NUDCD3: variants seen among roughly 807,000 people sequenced by gnomAD.
NUDCD3 encodes NudC domain containing 3, also known as nudC domain-containing protein 3.
NUDCD3 carries 13 observed loss-of-function variants against 39.7 expected under a neutral mutation model. The observed-to-expected ratio is 0.33, with a 90% CI of 0.21 to 0.52. The LOEUF is 0.52. NUDCD3 is among the 20% of genes least tolerant of loss of function. NUDCD3 has a pLI of 0.96. For synonymous variants in NUDCD3, 175 were observed against 172.4 expected, an observed-to-expected ratio of 1.02 and a Z score of -0.12; for missense variants, 453 against 458.1, an observed-to-expected ratio of 0.99 and a Z score of 0.10.
At chr7:44,482,825 A>C (rs977911922) in intron 2 of NUDCD3, among the ~76,000 whole-genome samples, 3 of 152,234 alleles carry the variant, frequency 2.0e-5, no homozygotes, top group Non-Finnish European at 2.9e-5. Context: ...GAATTAGCAG[A>C]TAAAGACTTT....
At chr7:44,439,866 A>T (rs1045965015) in intron 2 of NUDCD3, among the ~76,000 whole-genome samples, 36 of 151,798 alleles carry the variant, frequency 2.4e-4, no homozygotes, top group African/African-American at 8.2e-4. Context: ...ATTAAAACAT[A>T]ATTGCCAAGA....
chr7:44,459,261 C>T (rs907609415), intron 2 of NUDCD3, among the ~76,000 whole-genome samples: 5 of 150,856 alleles, frequency 3.3e-5, no homozygotes, highest in Non-Finnish European at 7.4e-5. Flanking sequence ...TGCAGTGGCA[C>T]GATCATGGCC....
intron 2 of NUDCD3, among the ~76,000 whole-genome samples, chr7:44,432,195 T>C (rs1799377594): frequency 6.6e-6 from 1 of 152,148 alleles, no homozygotes; most frequent in South Asian, 2.1e-4. Context: ...GGTGGGAGAA[T>C]AGCTTGAGCC....
intron 4 of NUDCD3, among the ~76,000 whole-genome samples, chr7:44,396,299 G>T (rs1798623938): frequency 6.6e-6 from 1 of 152,206 alleles, no homozygotes; most frequent in Non-Finnish European, 1.5e-5. Flanking sequence ...AGGACCTGAG[G>T]TGTTGTCTAT....
intron 3 of NUDCD3, among the ~76,000 whole-genome samples, chr7:44,407,269 T>TAAA (rs370365897): frequency 6.6e-5 from 9 of 137,098 alleles, no homozygotes; most frequent in African/African-American, 2.4e-4. Context: ...ATTTTTGTAT[T>TAAA]AAAAAAAAAA....
rs113700304 is a variant in NUDCD3 at position 44,420,773 on chromosome 7, A to G, written c.642+6798T>C. Among the ~76,000 whole-genome samples, 1,163 of 152,336 alleles carry G rather than the reference A, an allele frequency of 7.6e-3. 6 individuals are homozygous for G. The highest frequency in any genetic ancestry group is 0.019 in the South Asian group (94 of 4,824). On this transcript the variant is annotated intron_variant, in intron 3 of 5. Transcript: ENST00000355451. Reference sequence around the variant, plus strand: ...TAAGCTTCATAAGTGAAGGTGAAATAAAATCCTTTACAGACAAGCAAATGC... The same window carrying G: ...TAAGCTTCATAAGTGAAGGTGAAATGAAATCCTTTACAGACAAGCAAATGC...
At chr7:44,462,945 C>CTGTGTGTGTGTGTGTGTGTGTG (rs3138779) in intron 2 of NUDCD3, among the ~76,000 whole-genome samples, 6 of 146,684 alleles carry the variant, frequency 4.1e-5, no homozygotes, top group African/African-American at 1.5e-4. Flanking sequence ...CACAACCAGG[C>CTGTGTGTGTGTGTGTGTGTGTG]TGTGTGTGTG....
At chr7:44,448,434 G>A (rs948609250) in intron 2 of NUDCD3, among the ~76,000 whole-genome samples, 2 of 152,202 alleles carry the variant, frequency 1.3e-5, no homozygotes, top group Admixed American at 1.3e-4. Flanking sequence ...AGGCGCCGGA[G>A]AGATAGTAAC....
rs986381432 is a variant in NUDCD3 at position 44,383,335 on chromosome 7, G to A, written c.*2676C>T. ...GCTTTCCAGTAACTACAGAATTCCAGAACCTGTTTGAAAGGATGTAAGATC... is the reference window on the plus strand; with the variant it reads ...GCTTTCCAGTAACTACAGAATTCCAAAACCTGTTTGAAAGGATGTAAGATC... On this transcript the variant is annotated 3_prime_UTR_variant, in exon 6 of 6. Coordinates refer to ENST00000355451, the MANE Select transcript of NUDCD3 (RefSeq NM_015332.4). 6.6e-6 allele frequency: 1 copy of A among 152,222 alleles called. No homozygotes were observed. Among genetic ancestry groups the A allele is most frequent in the Admixed American group, 6.5e-5 (1 of 15,282 alleles). 9.4% of individuals were successfully genotyped at this position (152,222 alleles called of 1,614,324 possible). A position where few individuals can be genotyped will look rare whatever the true frequency, so the allele number is the denominator to read the frequency against.
chr7:44,432,005 G>A (rs1020548201), intron 2 of NUDCD3, among the ~76,000 whole-genome samples: 1 of 152,100 alleles, frequency 6.6e-6, no homozygotes, highest in Non-Finnish European at 1.5e-5. Flanking sequence ...CACAGGATTA[G>A]GCTAGGCTCA....
At chr7:44,477,659 C>T (rs1476399464) in intron 2 of NUDCD3, among the ~76,000 whole-genome samples, 1 of 152,132 alleles carries the variant, frequency 6.6e-6, no homozygotes, top group African/African-American at 2.4e-5. Flanking sequence ...TTGAGAAATG[C>T]CTGATTAGTG....
intron 5 of NUDCD3, among the ~76,000 whole-genome samples, chr7:44,389,444 C>T (rs923685249): frequency 4.6e-5 from 7 of 152,092 alleles, no homozygotes; most frequent in Non-Finnish European, 8.8e-5. Context: ...TTTGGGAGGC[C>T]GAGGCGGGCG....
intron 5 of NUDCD3, among the ~76,000 whole-genome samples, chr7:44,387,175 T>G (rs559307222): frequency 2.6e-5 from 4 of 152,278 alleles, no homozygotes; most frequent in African/African-American, 9.6e-5. Flanking sequence ...TGTTTTTATT[T>G]TTTACAGATA....
At chr7:44,399,757 C>A (rs904252907) in intron 4 of NUDCD3, among the ~76,000 whole-genome samples, 1 of 152,160 alleles carries the variant, frequency 6.6e-6, no homozygotes, top group Admixed American at 6.5e-5. Flanking sequence ...TGCAGTTACA[C>A]TAGAATTCCA....
chr7:44,461,715 G>C (rs985297299), intron 2 of NUDCD3, among the ~76,000 whole-genome samples: 2 of 152,162 alleles, frequency 1.3e-5, no homozygotes, highest in Non-Finnish European at 2.9e-5. Context: ...GGTTGAAAGG[G>C]GGAGGAAACA....
intron 2 of NUDCD3, among the ~76,000 whole-genome samples, chr7:44,440,345 C>G (rs1219011483): frequency 1.3e-5 from 2 of 152,070 alleles, no homozygotes; most frequent in Admixed American, 1.3e-4. Flanking sequence ...CTGGCCTCTT[C>G]AAAAGTGTGA....
chr7:44,468,349 C>CGAA, intron 2 of NUDCD3: 2 of 375,658 alleles, frequency 5.3e-6, no homozygotes, highest in Non-Finnish European at 8.4e-6. Context: ...GTAAAAACTG[C>CGAA]AAAAAAAAAA....
At chr7:44,426,612 C>G (rs992950105) in intron 3 of NUDCD3, among the ~76,000 whole-genome samples, 9 of 151,980 alleles carry the variant, frequency 5.9e-5, no homozygotes, top group Non-Finnish European at 4.4e-5. Flanking sequence ...CTGGCTAAAA[C>G]AGTGAAACCC....
chr7:44,404,527 C>A lies in NUDCD3; in HGVS notation c.699G>T (p.Gly233=). 1 of 1,614,016 alleles carries A rather than the reference C, an allele frequency of 6.2e-7. No homozygotes were observed. Among genetic ancestry groups the A allele is most frequent in the Non-Finnish European group, 8.5e-7 (1 of 1,180,004 alleles). ...GCTTCCCTTCCATGAGGACGCGCTC[C>A]CCATTTTCCTCCAGCATGGCCACAC... is the stretch of plus-strand genomic sequence containing the variant. The part of the protein sequence containing the change: ...SIRVAMLEEN[G]ERVLMEGKLT... The change falls in exon 4 of 6, where the codon GGG becomes GGT. Residue 233 remains glycine, a synonymous_variant. Coordinates refer to ENST00000355451, the MANE Select transcript of NUDCD3 (RefSeq NM_015332.4).
Sources: allele counts gnomAD v4.1 joint callset (sites outside exome capture counted in the v4.1 genomes callset), GRCh38; gene constraint gnomAD v4.1.1; transcripts MANE v1.5; gene names NCBI Gene and HGNC (gene_info 2026-07-23, HGNC 2026-07-21).